The following RIMS2 variants were observed in gnomAD, a reference collection of about 807,000 sequenced individuals.
The protein encoded by RIMS2 is regulating synaptic membrane exocytosis protein 2.
Under a neutral mutation model 174.4 loss-of-function variants are expected in RIMS2, and 59 were observed. The observed-to-expected ratio is 0.34, with a 90% CI of 0.27 to 0.42. RIMS2 has a LOEUF of 0.42. Ranked by LOEUF, RIMS2 falls within the 10% of genes least tolerant of loss-of-function variation. The pLI is 1.00. For synonymous variants in RIMS2, 606 were observed against 572.5 expected, an observed-to-expected ratio of 1.06 and a Z score of -0.84; for missense variants, 1,620 against 1,666.3, an observed-to-expected ratio of 0.97 and a Z score of 0.48.
At chr8:103,833,971 C>T (rs56990053) in intron 3 of RIMS2, among the ~76,000 whole-genome samples, 23,908 of 151,822 alleles carry the variant, frequency 0.16, 1,986 homozygotes, top group Middle Eastern at 0.24. Context: ...TTAGTTTGTC[C>T]CTCTGAAGAA....
intron 19 of RIMS2, among the ~76,000 whole-genome samples, chr8:104,059,233 CTT>C (rs1453482877): frequency 6.6e-6 from 1 of 150,916 alleles, no homozygotes; most frequent in African/African-American, 2.4e-5. Context: ...TTTGTATCCT[CTT>C]TTATTTCCTT....
intron 1 of RIMS2, among the ~76,000 whole-genome samples, chr8:103,661,493 C>T (rs867743705): frequency 6.6e-6 from 1 of 151,990 alleles, no homozygotes; most frequent in South Asian, 2.1e-4. Flanking sequence ...TTTGGTAATA[C>T]TATAAATGCT....
chr8:104,251,901 A>G (rs1343971466), downstream of RIMS2: 20 of 809,548 alleles, frequency 2.5e-5, no homozygotes, highest in Non-Finnish European at 2.5e-5. Context: ...CCCTGGTAAC[A>G]CTGCATGCTT....
At chr8:103,950,228 C>T (rs2084997127) in intron 14 of RIMS2, among the ~76,000 whole-genome samples, 1 of 152,092 alleles carries the variant, frequency 6.6e-6, no homozygotes, top group African/African-American at 2.4e-5. Context: ...TTTACAAACT[C>T]TTGCAGAATA....
intron 19 of RIMS2, among the ~76,000 whole-genome samples, chr8:104,064,635 CAA>C (rs2097070903): frequency 6.6e-6 from 1 of 151,838 alleles, no homozygotes; most frequent in South Asian, 2.1e-4. Flanking sequence ...ATTTATGAAA[CAA>C]GATATTTATG....
intron 6 of RIMS2, among the ~76,000 whole-genome samples, chr8:103,913,154 A>G (rs1381438608): frequency 2.2e-5 from 3 of 136,462 alleles, no homozygotes; most frequent in African/African-American, 8.2e-5. Flanking sequence ...TTTTTTTTGT[A>G]TTTTTAGTAG....
chr8:104,149,724 T>C (rs2098673943), intron 19 of RIMS2, among the ~76,000 whole-genome samples: 1 of 152,194 alleles, frequency 6.6e-6, no homozygotes, highest in African/African-American at 2.4e-5. Context: ...ACTAGGACTC[T>C]TGTACATAGA....
intron 21 of RIMS2, 28 bp from the exon 28 acceptor site, chr8:104,249,459 C>G (rs939054249): frequency 8.1e-7 from 1 of 1,236,848 alleles, no homozygotes. Flanking sequence ...TATATTAAAG[C>G]ACATTTGTTC....
chr8:104,239,347 C>T (rs2099274941), intron 19 of RIMS2, among the ~76,000 whole-genome samples: 1 of 152,162 alleles, frequency 6.6e-6, no homozygotes. Context: ...CTGTGTTCTT[C>T]CTTCTGCCTG....
intron 2 of RIMS2, among the ~76,000 whole-genome samples, chr8:103,757,200 A>G (rs1358507978): frequency 6.6e-6 from 1 of 152,138 alleles, no homozygotes; most frequent in Non-Finnish European, 1.5e-5. Flanking sequence ...GGTTTTGTAG[A>G]TATCCTTTAT....
intron 19 of RIMS2, among the ~76,000 whole-genome samples, chr8:104,212,462 C>T (rs2099109652): frequency 6.6e-6 from 1 of 152,134 alleles, no homozygotes; most frequent in South Asian, 2.1e-4. Flanking sequence ...GAGTGTTCAA[C>T]TCTGTGGAAT....
At chr8:103,795,868 C>G (rs2098546362) in intron 3 of RIMS2, among the ~76,000 whole-genome samples, 1 of 152,122 alleles carries the variant, frequency 6.6e-6, no homozygotes, top group Non-Finnish European at 1.5e-5. Context: ...ACTCCAAGTT[C>G]TATAATCTTA....
chr8:103,682,122 T>G (rs758099740), intron 1 of RIMS2, among the ~76,000 whole-genome samples: 4 of 152,060 alleles, frequency 2.6e-5, no homozygotes, highest in Non-Finnish European at 4.4e-5. Context: ...TGAGTTTTCT[T>G]GAATTTGAGG....
At chr8:103,736,459 T>A (rs1428768045) in intron 2 of RIMS2, among the ~76,000 whole-genome samples, 1 of 152,310 alleles carries the variant, frequency 6.6e-6, no homozygotes, top group South Asian at 2.1e-4. Context: ...CTATTCATTA[T>A]GAGAAATGAC....
At chr8:103,534,014 C>G (rs1439471250) in intron 1 of RIMS2, among the ~76,000 whole-genome samples, 2 of 152,126 alleles carry the variant, frequency 1.3e-5, no homozygotes, top group Non-Finnish European at 2.9e-5. Context: ...TTTTTGAGCT[C>G]AAGGCTGACG....
chr8:103,524,713 G>T (rs190417231), intron 1 of RIMS2, among the ~76,000 whole-genome samples: 2 of 152,284 alleles, frequency 1.3e-5, no homozygotes. Context: ...CTATAGTCCT[G>T]TTGATGGTGC....
At chr8:104,211,348 T>A (rs2099104492) in intron 19 of RIMS2, among the ~76,000 whole-genome samples, 1 of 152,192 alleles carries the variant, frequency 6.6e-6, no homozygotes, top group African/African-American at 2.4e-5. Flanking sequence ...GAATGGGAAG[T>A]AAACCAATAA....
chr8:103,738,533 G>A (rs1454660486), intron 2 of RIMS2, among the ~76,000 whole-genome samples: 1 of 152,080 alleles, frequency 6.6e-6, no homozygotes, highest in Non-Finnish European at 1.5e-5. Context: ...TTGACAAATG[G>A]GATCTAATTA....
chr8:103,697,690 T>C (rs1331015398), intron 2 of RIMS2, among the ~76,000 whole-genome samples: 1 of 152,164 alleles, frequency 6.6e-6, no homozygotes, highest in Admixed American at 6.5e-5. Context: ...ATTGTGCCAC[T>C]GCACTCCAGC....
Sources: gnomAD v4.1 joint callset for allele counts (sites outside exome capture counted in the v4.1 genomes callset) on GRCh38, gnomAD v4.1.1 for gene constraint, MANE v1.5 for transcripts, NCBI Gene and HGNC (gene_info 2026-07-23, HGNC 2026-07-21) for gene names.